The following KCND2 variants were observed in gnomAD, a reference collection of about 807,000 sequenced individuals.
KCND2 encodes the protein potassium voltage-gated channel subfamily D member 2, also known as A-type voltage-gated potassium channel KCND2.
In KCND2, 16 loss-of-function variants were observed where a neutral mutation model predicts 54.4. That is an observed-to-expected ratio of 0.29 (90% CI 0.20 to 0.45). KCND2 has a LOEUF of 0.45. Ranked by LOEUF, KCND2 falls within the 20% of genes least tolerant of loss-of-function variation. KCND2 has a pLI of 1.00. For synonymous variants in KCND2, 317 were observed against 310.7 expected, an observed-to-expected ratio of 1.02 and a Z score of -0.21; for missense variants, 486 against 824.2, an observed-to-expected ratio of 0.59 and a Z score of 5.02.
chr7:120,401,989 G>A (rs1445509015), intron 1 of KCND2, among the ~76,000 whole-genome samples: 1 of 152,048 alleles, frequency 6.6e-6, no homozygotes, highest in Admixed American at 6.6e-5. Context: ...GGGCCCGATG[G>A]CTCAATATTT....
intron 1 of KCND2, among the ~76,000 whole-genome samples, chr7:120,372,478 C>A (rs555746301): frequency 1.6e-4 from 22 of 136,262 alleles, no homozygotes; most frequent in African/African-American, 5.1e-4. Context: ...ATTTACTCTG[C>A]AAATAATTTA....
chr7:120,503,100 G>A (rs1354301313), intron 1 of KCND2, among the ~76,000 whole-genome samples: 2 of 152,000 alleles, frequency 1.3e-5, no homozygotes, highest in Admixed American at 6.6e-5. Context: ...TAAGAATCTT[G>A]TTAAAGTAAA....
At chr7:120,362,432 A>G (rs1379349869) in intron 1 of KCND2, among the ~76,000 whole-genome samples, 1 of 152,120 alleles carries the variant, frequency 6.6e-6, no homozygotes, top group African/African-American at 2.4e-5. Flanking sequence ...AAGGAAGGAA[A>G]AGACAAAGTT....
At chr7:120,428,810 T>G (rs912765613) in intron 1 of KCND2, among the ~76,000 whole-genome samples, 1 of 152,204 alleles carries the variant, frequency 6.6e-6, no homozygotes, top group Non-Finnish European at 1.5e-5. Flanking sequence ...AAAAGAAAAT[T>G]GAAATCAATT....
intron 1 of KCND2, among the ~76,000 whole-genome samples, chr7:120,505,581 T>TG (rs1420172506): frequency 1.3e-5 from 2 of 151,798 alleles, no homozygotes; most frequent in East Asian, 3.9e-4. Context: ...TCATTGAAAA[T>TG]GCTAAGTTTC....
At chr7:120,361,400 T>TC (rs371271119) in intron 1 of KCND2, among the ~76,000 whole-genome samples, 162 of 140,488 alleles carry the variant, frequency 1.2e-3, no homozygotes, top group Middle Eastern at 3.8e-3. Context: ...TCTCTCTCTC[T>TC]TTTTTTTTTT....
chr7:120,321,286 G>A (rs1799889967), intron 1 of KCND2, among the ~76,000 whole-genome samples: 1 of 151,872 alleles, frequency 6.6e-6, no homozygotes, highest in Admixed American at 6.6e-5. Flanking sequence ...TGTTTTTTCT[G>A]TATTCATCTT....
intron 1 of KCND2, among the ~76,000 whole-genome samples, chr7:120,508,921 A>T (rs775648911): frequency 7.6e-6 from 1 of 132,362 alleles, no homozygotes; most frequent in Non-Finnish European, 1.5e-5. Flanking sequence ...TCCTTTTTAA[A>T]GAAAGGAGTG....
chr7:120,688,474 A>G (rs187469480), intron 1 of KCND2, among the ~76,000 whole-genome samples: 50 of 152,290 alleles, frequency 3.3e-4, no homozygotes, highest in Admixed American at 9.2e-4. Flanking sequence ...CACGAGAAGG[A>G]CCAACTTCAC....
chr7:120,376,531 A>G (rs1056320237), intron 1 of KCND2, among the ~76,000 whole-genome samples: 2 of 150,820 alleles, frequency 1.3e-5, no homozygotes, highest in East Asian at 3.9e-4. Flanking sequence ...AATAATCTAT[A>G]AAGTGAAAAT....
At chr7:120,504,811 C>T (rs1175926571) in intron 1 of KCND2, among the ~76,000 whole-genome samples, 1 of 151,370 alleles carries the variant, frequency 6.6e-6, no homozygotes, top group African/African-American at 2.4e-5. Context: ...TTTTTTTGTA[C>T]CTGTGGTAAG....
intron 1 of KCND2, among the ~76,000 whole-genome samples, chr7:120,503,189 G>C (rs978974194): frequency 2.8e-4 from 43 of 151,996 alleles, no homozygotes; most frequent in African/African-American, 9.9e-4. Flanking sequence ...AAAAGCAAGG[G>C]AGGTGGAAGA....
At chr7:120,300,917 C>T (rs202084705) in intron 1 of KCND2, among the ~76,000 whole-genome samples, 2 of 152,032 alleles carry the variant, frequency 1.3e-5, no homozygotes, top group East Asian at 3.8e-4. Flanking sequence ...TTAATATGCT[C>T]ATTTTTGCCC....
At position 120,445,028 on chromosome 7, in the gene KCND2, A is replaced by G. The variant is rs1281912237; in HGVS notation, c.1115+169281A>G. 3.3e-5 allele frequency among the ~76,000 whole-genome samples: 5 copies of G among 152,238 alleles called. No individual in the cohort carries two copies. In the East Asian group the frequency reaches 7.7e-4, roughly 24 times the overall value. On this transcript the variant is annotated intron_variant, in intron 1 of 5. Transcript: ENST00000331113. ...AAGAAATGTCAGGCTGAAAGACTAG[A>G]GCATTGATGTTGAACATCTTTCTTC...
intron 1 of KCND2, among the ~76,000 whole-genome samples, chr7:120,668,234 G>A (rs896696708): frequency 1.1e-4 from 17 of 151,978 alleles, no homozygotes; most frequent in South Asian, 2.1e-4. Flanking sequence ...ATAAAGTTCC[G>A]TAATTATATT....
chr7:120,379,478 CAATAAAATAAAA>C, intron 1 of KCND2, among the ~76,000 whole-genome samples: 1 of 151,914 alleles, frequency 6.6e-6, no homozygotes, highest in Non-Finnish European at 1.5e-5. Flanking sequence ...TAGTTTATTT[CAATAAAATAAAA>C]TATACTCAAA....
intron 1 of KCND2, among the ~76,000 whole-genome samples, chr7:120,531,923 T>C (rs1475054600): frequency 6.6e-6 from 1 of 152,114 alleles, no homozygotes; most frequent in Non-Finnish European, 1.5e-5. Flanking sequence ...TTTCTCTAGG[T>C]GATTTTATCT....
At chr7:120,536,803 T>C (rs1440173790) in intron 1 of KCND2, among the ~76,000 whole-genome samples, 2 of 152,210 alleles carry the variant, frequency 1.3e-5, no homozygotes. Context: ...TCCACTGAAG[T>C]CTTGAACTCC....
chr7:120,315,642 C>T (rs1320740217), intron 1 of KCND2, among the ~76,000 whole-genome samples: 1 of 152,082 alleles, frequency 6.6e-6, no homozygotes, highest in Non-Finnish European at 1.5e-5. Context: ...CCCAGAAAGT[C>T]AGTCACTTGA....
Sources: gnomAD v4.1 joint callset for allele counts (sites outside exome capture counted in the v4.1 genomes callset) on GRCh38, gnomAD v4.1.1 for gene constraint, MANE v1.5 for transcripts, NCBI Gene and HGNC (gene_info 2026-07-23, HGNC 2026-07-21) for gene names.